RALGPS1: variants seen among roughly 807,000 people sequenced by gnomAD.
The protein encoded by RALGPS1 is Ral GEF with PH domain and SH3 binding motif 1, also known as ras-specific guanine nucleotide-releasing factor RalGPS1.
A neutral mutation model predicts 78.8 loss-of-function variants in RALGPS1; 19 were observed. The observed-to-expected ratio is 0.24, with a 90% CI of 0.17 to 0.35. The LOEUF (loss-of-function observed/expected upper bound fraction) is 0.35, where lower values mean the gene tolerates loss of function less well. RALGPS1 is among the 10% of genes least tolerant of loss of function. The pLI is 1.00. For missense variants in RALGPS1, 454 were observed against 688.3 expected (o/e 0.66, Z 3.81); for synonymous variants, 228 against 256.3 (o/e 0.89, Z 1.06).
At chr9:127,207,790 C>T (rs2062014635) in intron 14 of RALGPS1, among the ~76,000 whole-genome samples, 1 of 152,178 alleles carries the variant, frequency 6.6e-6, no homozygotes, top group South Asian at 2.1e-4. Flanking sequence ...ACTCTGTGTT[C>T]CTAAAGGCTG....
At chr9:127,024,036 C>CAAAAAAA (rs61549879) in intron 4 of RALGPS1, among the ~76,000 whole-genome samples, 25,307 of 71,014 alleles carry the variant, frequency 0.36, 6,323 homozygotes, top group African/African-American at 0.62. Flanking sequence ...GACTCTGTCT[C>CAAAAAAA]AAAAAAAAAA....
At chr9:126,976,618 G>A (rs147377695) in intron 3 of RALGPS1, among the ~76,000 whole-genome samples, 6 of 152,262 alleles carry the variant, frequency 3.9e-5, no homozygotes, top group African/African-American at 7.2e-5. Flanking sequence ...GAACATTGCC[G>A]TTAAGTGACA....
chr9:126,943,731 G>A (rs1467280462), intron 1 of RALGPS1, among the ~76,000 whole-genome samples: 3 of 152,138 alleles, frequency 2.0e-5, no homozygotes, highest in East Asian at 3.9e-4. Context: ...TGCCTGGACT[G>A]CTTTCACTGC....
In RALGPS1 at chr9:126,919,745, T is replaced by C. The variant is rs377416022; in HGVS notation, c.-66+4770T>C. ...AGATTCTATTCTTTGTGAGCAGATA[T>C]TTACTGGACAATTAAGGGTGAGCCA... On this transcript the variant is annotated intron_variant, in intron 1 of 18. Transcript: ENST00000259351. Among the ~76,000 whole-genome samples the C allele has an allele frequency of 5.9e-5, 9 of 152,304 alleles. No individual in the cohort carries two copies. In the East Asian group the frequency reaches 1.5e-3, roughly 26 times the overall value.
In RALGPS1 at chr9:127,165,523, C is replaced by T. The variant is rs150596197; in HGVS notation, c.611-546C>T. On this transcript the variant is annotated intron_variant, in intron 8 of 18. Coordinates refer to ENST00000259351, the MANE Select transcript of RALGPS1 (RefSeq NM_014636.3). Reference sequence around the variant, plus strand: ...TCACATCTTATTTTCTTATTAAGCACGATTGGCCAAATTCTCTAGCTTTAG... The same window carrying T: ...TCACATCTTATTTTCTTATTAAGCATGATTGGCCAAATTCTCTAGCTTTAG... Among the ~76,000 whole-genome samples, 212 of 152,310 alleles carry T rather than the reference C, an allele frequency of 1.4e-3. 1 individual carries two copies. Among genetic ancestry groups the T allele is most frequent in the African/African-American group, 4.8e-3 (198 of 41,570 alleles).
Position 127,212,832 on chromosome 9 carries a change from C to T in RALGPS1, c.1447-112C>T, listed in dbSNP as rs141217456. 219 of 1,552,586 alleles carry T rather than the reference C, an allele frequency of 1.4e-4. No homozygotes were observed. The highest frequency in any genetic ancestry group is 1.8e-4 in the Non-Finnish European group (209 of 1,136,164). On this transcript the variant is annotated intron_variant, in intron 16 of 18. Coordinates refer to ENST00000259351, the MANE Select transcript of RALGPS1 (RefSeq NM_014636.3). The surrounding 1 kb of genome is among the most constrained non-coding windows in gnomAD (Gnocchi z 6.0). ...GGATCTGTGTGAACTGCGGAGGATG[C>T]AGGTGGGAAGGCGGCAGGGGAGGGA...
At chr9:127,034,621 C>T in intron 5 of RALGPS1, 107 bp downstream of exon 5, 1 of 938,882 alleles carries the variant, frequency 1.1e-6, no homozygotes, top group Admixed American at 1.8e-5. Context: ...CAGCTGGCCC[C>T]AGATCCAGCT....
At chr9:126,967,543 A>ATT (rs200970321) in intron 3 of RALGPS1, among the ~76,000 whole-genome samples, 6 of 149,538 alleles carry the variant, frequency 4.0e-5, no homozygotes, top group East Asian at 3.9e-4. Flanking sequence ...TTATAGAATA[A>ATT]TTTTTTTTTT....
intron 11 of RALGPS1, among the ~76,000 whole-genome samples, chr9:127,180,285 G>A (rs1275268366): frequency 6.6e-6 from 1 of 152,218 alleles, no homozygotes; most frequent in Non-Finnish European, 1.5e-5. Flanking sequence ...GGTTTTCTCA[G>A]AAGATTCCTG....
At position 126,932,933 on chromosome 9, in the gene RALGPS1, C is replaced by G. The variant is rs565296090; in HGVS notation, c.-66+17958C>G. On this transcript the variant is annotated intron_variant, in intron 1 of 18. Coordinates refer to ENST00000259351, the MANE Select transcript of RALGPS1 (RefSeq NM_014636.3). ...AGCCGAGGCCGGGCTGTGGACGCAG[C>G]TGGCTGAGTGGGTGAGCTTCATGCT... Among the ~76,000 whole-genome samples the G allele has an allele frequency of 1.2e-4, 19 of 152,316 alleles. No homozygotes were observed. The South Asian group carries it at 3.9e-3, about 32-fold the overall frequency.
chr9:127,091,803 A>T lies in RALGPS1; in HGVS notation c.610+22447A>T. 1 of 1,614,136 alleles carries T rather than the reference A, an allele frequency of 6.2e-7. No individual in the cohort carries two copies. Among genetic ancestry groups the T allele is most frequent in the Non-Finnish European group, 8.5e-7 (1 of 1,180,020 alleles). On this transcript the variant is annotated intron_variant, in intron 8 of 18. Transcript: ENST00000259351. The surrounding 1 kb of genome is among the most constrained non-coding windows in gnomAD (Gnocchi z 4.3). ...ACTCGCTCTCAGGTTCCAGGCGGAA[A>T]CTGGCGTATTCTGCAAAGACTTTGC...
intron 8 of RALGPS1, among the ~76,000 whole-genome samples, chr9:127,092,622 G>A (rs1018172000): frequency 1.3e-5 from 2 of 152,054 alleles, no homozygotes; most frequent in Admixed American, 6.6e-5. Context: ...ATGTCAACTC[G>A]AAGAACTAAG....
chr9:127,088,598 C>T lies in RALGPS1; in HGVS notation c.610+19242C>T, dbSNP rs77219036. ...TGCATATATATGTGGTATACACATA[C>T]GTGCACAAGGGAGGCTCATACACAT... On this transcript the variant is annotated intron_variant, in intron 8 of 18. Transcript: ENST00000259351. The T allele has an allele frequency of 3.1e-3, 1,069 of 340,562 alleles. 3 individuals are homozygous for T. Among genetic ancestry groups the T allele is most frequent in the Admixed American group, 4.5e-3 (102 of 22,464 alleles). 21.1% of individuals were successfully genotyped at this position (340,562 alleles called of 1,614,324 possible).
intron 8 of RALGPS1, among the ~76,000 whole-genome samples, chr9:127,136,632 G>T (rs893485185): frequency 2.0e-5 from 3 of 152,158 alleles, no homozygotes; most frequent in African/African-American, 7.2e-5. Flanking sequence ...GCAGAAGCAC[G>T]TGGAGTCCTG....
At chr9:127,124,853 T>C (rs951001331) in intron 8 of RALGPS1, among the ~76,000 whole-genome samples, 7 of 152,226 alleles carry the variant, frequency 4.6e-5, no homozygotes, top group African/African-American at 1.4e-4. Context: ...CAAAGTGTCC[T>C]AGGACTTTCC....
At chr9:126,962,158 C>A (rs549070309) in intron 1 of RALGPS1, 67 bp from the exon 2 acceptor site, 2 of 816,306 alleles carry the variant, frequency 2.5e-6, no homozygotes, top group Non-Finnish European at 4.0e-6. Flanking sequence ...TCTGGTACAA[C>A]TTTTGCCTGG....
chr9:126,971,467 A>G (rs1401647541), intron 3 of RALGPS1, among the ~76,000 whole-genome samples: 1 of 152,170 alleles, frequency 6.6e-6, no homozygotes. Flanking sequence ...TTAGATTACC[A>G]TCAGTCTTTT....
chr9:127,078,937 G>A (rs965289257), intron 8 of RALGPS1, among the ~76,000 whole-genome samples: 2 of 152,176 alleles, frequency 1.3e-5, no homozygotes, highest in Non-Finnish European at 2.9e-5. Flanking sequence ...CTTCCTCTGA[G>A]GGAGGCATTA....
At chr9:126,957,773 A>G (rs898430982) in intron 1 of RALGPS1, among the ~76,000 whole-genome samples, 10 of 152,134 alleles carry the variant, frequency 6.6e-5, no homozygotes, top group African/African-American at 1.7e-4. Context: ...CCTTGCCTCC[A>G]GGGGCTGTTT....
Sources: gnomAD v4.1 joint callset for allele counts (sites outside exome capture counted in the v4.1 genomes callset) on GRCh38, gnomAD v4.1.1 for gene constraint, Gnocchi (gnomAD v3.1) non-coding constraint, MANE v1.5 for transcripts, NCBI Gene and HGNC (gene_info 2026-07-23, HGNC 2026-07-21) for gene names.